PLCB4: variants seen among roughly 807,000 people sequenced by gnomAD.
PLCB4 encodes phospholipase C beta 4.
A neutral mutation model predicts 178.8 loss-of-function variants in PLCB4; 77 were observed. That is an observed-to-expected ratio of 0.43 (90% CI 0.36 to 0.52). The LOEUF is 0.52. Ranked by LOEUF, PLCB4 falls within the 20% of genes least tolerant of loss-of-function variation. The pLI is 0.00. For synonymous variants in PLCB4, 496 were observed against 490.8 expected (o/e 1.01, Z -0.14); for missense variants, 1,024 against 1,453.4 (o/e 0.70, Z 4.80).
At chr20:9,203,055 A>T (rs59471766) in intron 2 of PLCB4, among the ~76,000 whole-genome samples, 1 of 131,988 alleles carries the variant, frequency 7.6e-6, no homozygotes, top group Non-Finnish European at 1.5e-5. Context: ...AAAAAAAAAA[A>T]AATATATATA....
At chr20:9,299,122 T>TGTG (rs1342581009) in intron 3 of PLCB4, among the ~76,000 whole-genome samples, 1 of 152,070 alleles carries the variant, frequency 6.6e-6, no homozygotes, top group Non-Finnish European at 1.5e-5. Flanking sequence ...GCTCCCATTG[T>TGTG]ACAGGGAAGG....
intron 2 of PLCB4, among the ~76,000 whole-genome samples, chr20:9,149,712 A>C (rs183474445): frequency 6.6e-6 from 1 of 151,644 alleles, no homozygotes; most frequent in Non-Finnish European, 1.5e-5. Context: ...TCTTAACCTG[A>C]GACTGACTTT....
At chr20:9,434,317 C>T (rs907132829) in intron 28 of PLCB4, among the ~76,000 whole-genome samples, 3 of 152,130 alleles carry the variant, frequency 2.0e-5, no homozygotes, top group African/African-American at 7.2e-5. Context: ...AAAGTTTTCA[C>T]TTTTCATTTT....
intron 2 of PLCB4, among the ~76,000 whole-genome samples, chr20:9,167,942 C>T (rs114238351): frequency 0.018 from 2,706 of 152,166 alleles, 80 homozygotes; most frequent in African/African-American, 0.062. Context: ...AACTTATTTT[C>T]GACAGATTTA....
At chr20:9,477,406 A>G (rs1262527703) in intron 39 of PLCB4, among the ~76,000 whole-genome samples, 1 of 152,196 alleles carries the variant, frequency 6.6e-6, no homozygotes, top group Non-Finnish European at 1.5e-5. Context: ...ATAAGAACTT[A>G]GCTGTTGGAA....
chr20:9,254,465 C>T (rs1027666283), intron 3 of PLCB4, among the ~76,000 whole-genome samples: 1 of 152,168 alleles, frequency 6.6e-6, no homozygotes, highest in African/African-American at 2.4e-5. Flanking sequence ...GAGGCCAAGG[C>T]AGGTGGACCA....
At chr20:9,267,756 A>G (rs894406836) in intron 3 of PLCB4, among the ~76,000 whole-genome samples, 1 of 152,140 alleles carries the variant, frequency 6.6e-6, no homozygotes, top group Non-Finnish European at 1.5e-5. Context: ...TTAATCTCCA[A>G]TGTGGCAATC....
rs1288873825 is a variant in PLCB4 at position 9,389,728 on chromosome 20, A to C, written c.1159-151A>C. The C allele has an allele frequency of 7.2e-6, 4 of 551,776 alleles. No homozygotes were observed. The Admixed American group carries it at 1.2e-4, about 17-fold the overall frequency. The allele number at this position is 551,776 out of a possible 1,614,324, so 34.2% of individuals were successfully genotyped here. A position where few individuals can be genotyped will look rare whatever the true frequency, so the allele number is the denominator to read the frequency against. On this transcript the variant is annotated intron_variant, in intron 15 of 39. Transcript: ENST00000378473. ...CCTGGCTATAACCACAGGGAACTCA[A>C]CCTTTAGAGGTGTCAAGGTAGATGG...
At chr20:9,363,128 T>A (rs944477246) in intron 8 of PLCB4, among the ~76,000 whole-genome samples, 153 bp downstream of exon 8, 1 of 152,182 alleles carries the variant, frequency 6.6e-6, no homozygotes, top group African/African-American at 2.4e-5. Context: ...ACACCTGTAC[T>A]CTTCATACCA....
chr20:9,069,863 A>G (rs975560403), intron 1 of PLCB4, among the ~76,000 whole-genome samples: 2 of 152,228 alleles, frequency 1.3e-5, no homozygotes, highest in Non-Finnish European at 2.9e-5. Flanking sequence ...GCATTTTCCT[A>G]GAGAGAAATA....
At chr20:9,464,671 A>G (rs1360454671) in intron 35 of PLCB4, among the ~76,000 whole-genome samples, 2 of 152,246 alleles carry the variant, frequency 1.3e-5, no homozygotes, top group Non-Finnish European at 2.9e-5. Flanking sequence ...CAAATAAACT[A>G]GAAAATCTAG....
At chr20:9,223,547 C>A (rs1483299132) in intron 3 of PLCB4, among the ~76,000 whole-genome samples, 1 of 152,162 alleles carries the variant, frequency 6.6e-6, no homozygotes, top group African/African-American at 2.4e-5. Context: ...TATGGCTCAG[C>A]GTTTCTTCCT....
rs144627264 is a variant in PLCB4 at position 9,202,356 on chromosome 20, A to G, written c.-78-15034A>G. Among the ~76,000 whole-genome samples the G allele has an allele frequency of 8.5e-5, 13 of 152,304 alleles. No individual in the cohort carries two copies. The East Asian group carries it at 2.3e-3, about 27-fold the overall frequency. ...CACAGCATTGCACATGAGAGAGTCT[A>G]TTTTATTGCATGTGAATTAAAAATA... is the stretch of plus-strand genomic sequence containing the variant. On this transcript the variant is annotated intron_variant, in intron 2 of 39. Coordinates refer to ENST00000378473, the MANE Select transcript of PLCB4 (RefSeq NM_001377142.1).
chr20:9,463,249 A>G (rs1286826579), intron 35 of PLCB4, among the ~76,000 whole-genome samples: 2 of 152,184 alleles, frequency 1.3e-5, no homozygotes, highest in South Asian at 2.1e-4. Context: ...CCTGCCTTAT[A>G]AGAGCTCCTG....
At chr20:9,111,074 T>C (rs1363993859) in intron 2 of PLCB4, among the ~76,000 whole-genome samples, 1 of 152,182 alleles carries the variant, frequency 6.6e-6, no homozygotes, top group Non-Finnish European at 1.5e-5. Flanking sequence ...AAACTTTCCA[T>C]GTCATATACG....
rs188951006 is a variant in PLCB4, at chr20:9,331,871, T to C, written c.85-5255T>C. Among the ~76,000 whole-genome samples the C allele has an allele frequency of 1.8e-4, 27 of 152,260 alleles. No homozygotes were observed. The East Asian group carries it at 4.6e-3, about 26-fold the overall frequency. On this transcript the variant is annotated intron_variant, in intron 4 of 39. Transcript: ENST00000378473. ...GGATCTCTGAGCCAGAAATAGCTTC[T>C]AGCAATGGTGATCTCCAGCAAAAGT...
chr20:9,244,084 G>A (rs189230779), intron 3 of PLCB4, among the ~76,000 whole-genome samples: 37 of 152,226 alleles, frequency 2.4e-4, no homozygotes, highest in Non-Finnish European at 4.3e-4. Flanking sequence ...GTAATGTCCT[G>A]TCCCTCTCCC....
intron 2 of PLCB4, among the ~76,000 whole-genome samples, chr20:9,135,550 G>A (rs1057430873): frequency 6.6e-6 from 1 of 151,898 alleles, no homozygotes; most frequent in Admixed American, 6.6e-5. Flanking sequence ...AAATTTCCAG[G>A]CTTGATTTTT....
intron 2 of PLCB4, among the ~76,000 whole-genome samples, chr20:9,216,407 C>T (rs1173902192): frequency 4.6e-5 from 7 of 152,036 alleles, no homozygotes; most frequent in East Asian, 3.9e-4. Flanking sequence ...TTAGTAGAGA[C>T]GGGGTTTCAC....
Sources: allele counts gnomAD v4.1 joint callset (sites outside exome capture counted in the v4.1 genomes callset), GRCh38; gene constraint gnomAD v4.1.1; transcripts MANE v1.5; gene names NCBI Gene and HGNC (gene_info 2026-07-23, HGNC 2026-07-21).